RMND1: variants seen among roughly 807,000 people sequenced by gnomAD.
RMND1 encodes required for meiotic nuclear division protein 1 homolog.
In RMND1, 41 loss-of-function variants were observed where a neutral mutation model predicts 54.0. That is an observed-to-expected ratio of 0.76 (90% CI 0.59 to 0.98). The LOEUF (loss-of-function observed/expected upper bound fraction) is 0.98. Ranked by LOEUF, RMND1 falls within the 50% of genes least tolerant of loss-of-function variation. The probability of loss-of-function intolerance (pLI) is 0.00; values close to 1 mark genes in which losing one functional copy is unlikely to be tolerated. For missense variants in RMND1, 457 were observed against 532.0 expected, an observed-to-expected ratio of 0.86 and a Z score of 1.39; for synonymous variants, 183 against 181.7, an observed-to-expected ratio of 1.01 and a Z score of -0.06.
At chr6:151,442,943 A>G (rs1226367090) in intron 2 of RMND1, among the ~76,000 whole-genome samples, 2 of 152,176 alleles carry the variant, frequency 1.3e-5, no homozygotes, top group Non-Finnish European at 2.9e-5. Flanking sequence ...AGACAGGGTG[A>G]CTGAAACCTC....
intron 5 of RMND1, among the ~76,000 whole-genome samples, chr6:151,429,583 A>G (rs1233795637): frequency 2.0e-5 from 3 of 152,326 alleles, no homozygotes; most frequent in East Asian, 3.9e-4. Context: ...AATTTTTGCC[A>G]TTATAAATAT....
chr6:151,417,298 C>G lies in RMND1; in HGVS notation c.1181G>C (p.Ser394Thr). The change falls in exon 10 of 12, where the codon AGC becomes ACC. Residue 394 changes from serine (S) to threonine (T), a missense_variant. Ser to Thr is a moderately conservative substitution (Grantham distance 58, BLOSUM62 1). Transcript: ENST00000444024. ...GLYDKTCQFL[S>T]IGRRVKVMNE... ...ACGTACCTTAACTCTTCGGCCAATG[C>G]TAAGGAATTGACACGTTTTATCGTA... The G allele has an allele frequency of 1.9e-6, 3 of 1,612,354 alleles. No homozygotes were observed. Among genetic ancestry groups the G allele is most frequent in the Non-Finnish European group, 2.5e-6 (3 of 1,179,584 alleles).
intron 10 of RMND1, among the ~76,000 whole-genome samples, chr6:151,409,619 C>A (rs1760128574): frequency 6.6e-6 from 1 of 152,154 alleles, no homozygotes; most frequent in African/African-American, 2.4e-5. Context: ...TCTCATGGGG[C>A]TTACATTCTA....
intron 6 of RMND1, among the ~76,000 whole-genome samples, chr6:151,425,038 G>A (rs1237600032): frequency 6.6e-6 from 1 of 152,138 alleles, no homozygotes; most frequent in African/African-American, 2.4e-5. Context: ...CGCCTCCTGG[G>A]TTCCAGCGAT....
At chr6:151,418,347 G>A (rs957503174) in intron 9 of RMND1, among the ~76,000 whole-genome samples, 1 of 152,122 alleles carries the variant, frequency 6.6e-6, no homozygotes, top group African/African-American at 2.4e-5. Context: ...CTCGGAGGCA[G>A]AGGCTGCAGT....
chr6:151,417,492 C>CT (rs138222695), intron 9 of RMND1, 93 bp from the exon 10 acceptor site: 34,741 of 795,548 alleles, frequency 0.044, no homozygotes, highest in East Asian at 0.066. Flanking sequence ...TTTATGAAAA[C>CT]TTTTTTTTTT....
At chr6:151,441,311 C>T (rs1780771563) in intron 2 of RMND1, among the ~76,000 whole-genome samples, 1 of 152,256 alleles carries the variant, frequency 6.6e-6, no homozygotes, top group East Asian at 1.9e-4. Flanking sequence ...GTCCTTGGTT[C>T]CCAGTACAGA....
chr6:151,405,146 A>G lies in RMND1; in HGVS notation c.*89T>C. ...TGGCCTCCGAAAGTGCTGGGATTAC[A>G]GGCATGAGGCACCGCGCCGGGCCGA... On this transcript the variant is annotated 3_prime_UTR_variant, in exon 12 of 12. Transcript: ENST00000444024. 1 of 1,161,042 alleles carries G rather than the reference A, an allele frequency of 8.6e-7. No individual in the cohort carries two copies. The highest frequency in any genetic ancestry group is 1.5e-5 in the African/African-American group (1 of 65,236). The allele number at this position is 1,161,042 out of a possible 1,614,324, so 71.9% of individuals were successfully genotyped here. A position where few individuals can be genotyped will look rare whatever the true frequency, so the allele number is the denominator to read the frequency against.
At chr6:151,438,736 C>G (rs1780685982) in intron 2 of RMND1, among the ~76,000 whole-genome samples, 1 of 151,874 alleles carries the variant, frequency 6.6e-6, no homozygotes, top group South Asian at 2.1e-4. Flanking sequence ...TGTTGTCTCA[C>G]GTCTGCTTCA....
rs1375591190 is a variant in RMND1 at position 151,445,287 on chromosome 6, C to A, written c.504+21G>T. The A allele has an allele frequency of 1.9e-6, 3 of 1,586,082 alleles. No homozygotes were observed. In the East Asian group the frequency reaches 6.7e-5, roughly 35 times the overall value. Reference sequence around the variant, plus strand: ...GAGCAATGATCACTAAGCACGAGAGCCACGGCCACCCCTACTTTACCTCGT... The same window carrying A: ...GAGCAATGATCACTAAGCACGAGAGACACGGCCACCCCTACTTTACCTCGT... On this transcript the variant is annotated intron_variant, in intron 2 of 11. Coordinates refer to ENST00000444024, the MANE Select transcript of RMND1 (RefSeq NM_017909.4).
chr6:151,415,896 G>GCTA (rs1273473170), intron 10 of RMND1, among the ~76,000 whole-genome samples: 2 of 152,076 alleles, frequency 1.3e-5, no homozygotes, highest in African/African-American at 4.8e-5. Flanking sequence ...CACTGCCAGG[G>GCTA]GTTAGGGACA....
At chr6:151,436,575 T>A (rs1311623521) in intron 2 of RMND1, 21 bp from the exon 3 acceptor site, 1 of 1,611,812 alleles carries the variant, frequency 6.2e-7, no homozygotes, top group Non-Finnish European at 8.5e-7. Context: ...GAAATGAGCA[T>A]AACATGGGTT....
intron 10 of RMND1, among the ~76,000 whole-genome samples, chr6:151,410,885 G>C (rs1779811366): frequency 6.6e-6 from 1 of 152,020 alleles, no homozygotes; most frequent in Non-Finnish European, 1.5e-5. Context: ...GATTCTTCCA[G>C]GTCTTCTACA....
intron 9 of RMND1, among the ~76,000 whole-genome samples, chr6:151,420,327 TAC>T (rs1562788294): frequency 2.6e-5 from 4 of 152,150 alleles, no homozygotes; most frequent in African/African-American, 9.7e-5. Flanking sequence ...CTATGAGAGA[TAC>T]ACAGACAATG....
intron 6 of RMND1, among the ~76,000 whole-genome samples, chr6:151,424,573 T>A (rs1214964928): frequency 1.3e-5 from 2 of 151,478 alleles, no homozygotes; most frequent in Non-Finnish European, 2.9e-5. Context: ...AACTTAAAAG[T>A]GTGTTTTGGA....
intron 10 of RMND1, among the ~76,000 whole-genome samples, chr6:151,416,420 C>CTTTTTT (rs10557273): frequency 3.2e-5 from 3 of 93,706 alleles, no homozygotes; most frequent in East Asian, 5.5e-4. Context: ...ATCACTACAG[C>CTTTTTT]TTTTTTTTTT....
chr6:151,438,117 G>C (rs954513654), intron 2 of RMND1, among the ~76,000 whole-genome samples: 19 of 152,200 alleles, frequency 1.2e-4, no homozygotes, highest in African/African-American at 4.3e-4. Context: ...AGAGTACAGG[G>C]AACAGGCACG....
At chr6:151,412,789 A>G (rs948423460) in intron 10 of RMND1, among the ~76,000 whole-genome samples, 1 of 152,154 alleles carries the variant, frequency 6.6e-6, no homozygotes, top group Non-Finnish European at 1.5e-5. Context: ...AAGAGCGAAC[A>G]AGGGGAGATG....
chr6:151,418,021 G>A (rs145157782), intron 9 of RMND1, among the ~76,000 whole-genome samples: 2,080 of 152,098 alleles, frequency 0.014, 37 homozygotes, highest in African/African-American at 0.044. Context: ...GGCCAGGCTG[G>A]TCTCGAACTC....
Sources: gnomAD v4.1 joint callset for allele counts (sites outside exome capture counted in the v4.1 genomes callset) on GRCh38, gnomAD v4.1.1 for gene constraint, MANE v1.5 for transcripts, NCBI Gene and HGNC (gene_info 2026-07-23, HGNC 2026-07-21) for gene names.